LINGO1: variants seen among roughly 807,000 people sequenced by gnomAD.
LINGO1 encodes leucine rich repeat and Ig domain containing 1, also known as leucine-rich repeat and immunoglobulin-like domain-containing nogo receptor-interacting protein 1.
A neutral mutation model predicts 37.3 loss-of-function variants in LINGO1; 11 were observed. That is an observed-to-expected ratio of 0.29 (90% CI 0.19 to 0.49). The LOEUF (loss-of-function observed/expected upper bound fraction) is 0.49, where lower values mean the gene tolerates loss of function less well. LINGO1 is among the 20% of genes least tolerant of loss of function. The pLI, the probability that LINGO1 is intolerant of heterozygous loss-of-function variation, is 0.99. For missense variants in LINGO1, 585 were observed against 878.2 expected (o/e 0.67, Z 4.22); for synonymous variants, 387 against 403.0 (o/e 0.96, Z 0.48).
At chr15:77,741,330 C>T (rs999979768) in intron 1 of LINGO1, among the ~76,000 whole-genome samples, 1 of 152,252 alleles carries the variant, frequency 6.6e-6, no homozygotes, top group Admixed American at 6.5e-5. Context: ...GCCCCACCCA[C>T]ATTACACTGT....
intron 2 of LINGO1, among the ~76,000 whole-genome samples, chr15:77,680,990 G>A (rs2075404132): frequency 6.6e-6 from 1 of 152,180 alleles, no homozygotes; most frequent in Non-Finnish European, 1.5e-5. Context: ...CCAAGGGAAA[G>A]CCCTTCCTGT....
At chr15:77,799,027 C>T (rs923282828) in intron 1 of LINGO1, among the ~76,000 whole-genome samples, 9 of 152,092 alleles carry the variant, frequency 5.9e-5, no homozygotes, top group Admixed American at 5.2e-4. Context: ...GCTTGAGAGG[C>T]CCACGCCCAC....
chr15:77,719,046 C>T (rs868323947), intron 2 of LINGO1, among the ~76,000 whole-genome samples: 5 of 150,494 alleles, frequency 3.3e-5, no homozygotes, highest in African/African-American at 1.2e-4. Context: ...CCAAAGTCCT[C>T]CATAAATGAG....
chr15:77,675,772 A>G (rs909667325), intron 3 of LINGO1, among the ~76,000 whole-genome samples: 19 of 152,160 alleles, frequency 1.2e-4, no homozygotes, highest in African/African-American at 4.1e-4. Context: ...AATCAGAAAA[A>G]TGATTCTGCT....
chr15:77,766,297 C>CAAAAAAA (rs71447163), intron 1 of LINGO1, among the ~76,000 whole-genome samples: 19 of 48,994 alleles, frequency 3.9e-4, no homozygotes, highest in African/African-American at 1.5e-3. Context: ...GACCCTGTCT[C>CAAAAAAA]AAAAAAAAAA....
chr15:77,741,819 C>T (rs1249499021), intron 1 of LINGO1, among the ~76,000 whole-genome samples: 1 of 152,170 alleles, frequency 6.6e-6, no homozygotes, highest in East Asian at 1.9e-4. Flanking sequence ...TGTCCCCATA[C>T]ATACTCAGAA....
At chr15:77,816,986 AG>A (rs1567599581) in intron 1 of LINGO1, among the ~76,000 whole-genome samples, 1 of 146,974 alleles carries the variant, frequency 6.8e-6, no homozygotes, top group Admixed American at 6.9e-5. Context: ...AGAGAGAGAG[AG>A]AGAAGAAAAA....
At chr15:77,712,405 G>GC (rs2075929177) in intron 2 of LINGO1, among the ~76,000 whole-genome samples, 1 of 151,774 alleles carries the variant, frequency 6.6e-6, no homozygotes, top group Non-Finnish European at 1.5e-5. Flanking sequence ...CAAATATCTT[G>GC]CCCCCCTCCC....
intron 2 of LINGO1, among the ~76,000 whole-genome samples, chr15:77,734,595 G>A (rs992865358): frequency 1.2e-4 from 18 of 151,214 alleles, no homozygotes; most frequent in African/African-American, 4.4e-4. Flanking sequence ...CCCACAGGCC[G>A]CCCACCTTAC....
chr15:77,817,907 G>C (rs1227085313), intron 1 of LINGO1, among the ~76,000 whole-genome samples: 1 of 152,210 alleles, frequency 6.6e-6, no homozygotes, highest in African/African-American at 2.4e-5. Flanking sequence ...GGATAATGGA[G>C]GTGGAAGTAA....
chr15:77,759,465 T>G (rs988127666), intron 1 of LINGO1, among the ~76,000 whole-genome samples: 1 of 152,194 alleles, frequency 6.6e-6, no homozygotes, highest in African/African-American at 2.4e-5. Context: ...TTCTCTCAGT[T>G]TCCCCACCTG....
chr15:77,738,747 TGAAGGAAGGAAGGAAG>T lies in LINGO1; in HGVS notation c.-256-3710_-256-3695del, dbSNP rs1166793124. Among the ~76,000 whole-genome samples, 576 of 110,870 alleles carry T rather than the reference TGAAGGAAGGAAGGAAG, an allele frequency of 5.2e-3. 5 individuals carry two copies. The highest frequency in any genetic ancestry group is 0.016 in the African/African-American group (461 of 28,810). The allele number at this position is 110,870 out of a possible 152,430, so 72.7% of individuals were successfully genotyped here. On this transcript the variant is annotated intron_variant, in intron 1 of 3. Coordinates refer to the LINGO1 transcript ENST00000561686. ...CAGGAGACAGTCAATACATATTTGC[TGAAGGAAGGAAGGAAG>T]GAAGGAAGGAAGGAAGGAAGGAAGG...
chr15:77,728,601 T>C (rs1210662121), intron 2 of LINGO1, among the ~76,000 whole-genome samples: 1 of 152,236 alleles, frequency 6.6e-6, no homozygotes, highest in Middle Eastern at 3.2e-3. Flanking sequence ...CCCTCCTAGC[T>C]GTGTGACCTC....
chr15:77,706,052 T>A (rs1254470026), intron 2 of LINGO1, among the ~76,000 whole-genome samples: 2 of 152,178 alleles, frequency 1.3e-5, no homozygotes, highest in East Asian at 3.9e-4. Context: ...CCCTTGTCTG[T>A]AAGATGGGGA....
intron 1 of LINGO1, among the ~76,000 whole-genome samples, chr15:77,621,690 C>T (rs1434371896): frequency 1.3e-5 from 2 of 152,196 alleles, no homozygotes; most frequent in African/African-American, 2.4e-5. Context: ...AAAAGCCTTT[C>T]CCCAACTTCC....
intron 1 of LINGO1, among the ~76,000 whole-genome samples, chr15:77,776,582 A>G (rs1369351297): frequency 7.2e-6 from 1 of 138,158 alleles, no homozygotes; most frequent in South Asian, 2.2e-4. Context: ...AGAGCCCTCA[A>G]CTTTGGGGCC....
intron 1 of LINGO1, among the ~76,000 whole-genome samples, chr15:77,754,806 C>T (rs560066769): frequency 9.2e-5 from 14 of 152,350 alleles, no homozygotes; most frequent in Non-Finnish European, 8.8e-5. Context: ...AGGGTAGGTC[C>T]GGTAGGCAGA....
intron 1 of LINGO1, among the ~76,000 whole-genome samples, chr15:77,745,208 C>T (rs8027012): frequency 0.036 from 5,502 of 151,434 alleles, 352 homozygotes; most frequent in African/African-American, 0.13. Flanking sequence ...AGGCGGATCA[C>T]GAGGTCAGGA....
upstream of LINGO1, among the ~76,000 whole-genome samples, chr15:77,636,262 G>A (rs1233218434): frequency 6.6e-6 from 1 of 152,204 alleles, no homozygotes; most frequent in Non-Finnish European, 1.5e-5. Flanking sequence ...GGCACAGAAA[G>A]GAGAGGGTGG....
Sources: gnomAD v4.1 joint callset for allele counts (sites outside exome capture counted in the v4.1 genomes callset) on GRCh38, gnomAD v4.1.1 for gene constraint, MANE v1.5 for transcripts, NCBI Gene and HGNC (gene_info 2026-07-23, HGNC 2026-07-21) for gene names.